PIGB: variants seen among roughly 807,000 people sequenced by gnomAD.
PIGB encodes phosphatidylinositol glycan anchor biosynthesis class B.
PIGB carries 58 observed loss-of-function variants against 68.4 expected under a neutral mutation model. The ratio of observed to expected loss-of-function variants is 0.85; its 90% confidence interval spans 0.69 to 1.06. The LOEUF is 1.06. Among genes scored for constraint, PIGB ranks in the 50% least tolerant of loss-of-function variants. The pLI is 0.00. For synonymous variants in PIGB, 219 were observed against 220.5 expected (o/e 0.99, Z 0.06); for missense variants, 634 against 655.8 (o/e 0.97, Z 0.36).
intron 4 of PIGB, among the ~76,000 whole-genome samples, chr15:55,327,938 T>C (rs999400572): frequency 2.0e-5 from 3 of 152,162 alleles, no homozygotes; most frequent in Admixed American, 6.5e-5. Context: ...TCCATAGAAT[T>C]GAGTAGGGAT....
chr15:55,322,929 G>C (rs2055199594), intron 3 of PIGB, among the ~76,000 whole-genome samples: 1 of 152,084 alleles, frequency 6.6e-6, no homozygotes, highest in Non-Finnish European at 1.5e-5. Context: ...TATATCCCAG[G>C]AAGTAGGTCA....
chr15:55,340,838 GT>G lies in PIGB; in HGVS notation c.1058+17del, dbSNP rs1566955264. ...CTTGTTTATAGGTAAGATTTTATTT[GT>G]TCAAAAGGCTAAAATTTTTTATGTT... On this transcript the variant is annotated intron_variant, in intron 8 of 11. Transcript: ENST00000164305. The G allele has an allele frequency of 6.8e-7, 1 of 1,476,366 alleles. No individual in the cohort carries two copies. Among genetic ancestry groups the G allele is most frequent in the East Asian group, 2.4e-5 (1 of 42,396 alleles). 91.5% of individuals were successfully genotyped at this position (1,476,366 alleles called of 1,614,324 possible).
rs1469912999 is a variant in PIGB, at chr15:55,339,248, T to G, written c.795-19T>G. 2 of 1,540,184 alleles carry G rather than the reference T, an allele frequency of 1.3e-6. No homozygotes were observed. The highest frequency in any genetic ancestry group is 1.8e-6 in the Non-Finnish European group (2 of 1,137,468). On this transcript the variant is annotated intron_variant, in intron 6 of 11. Coordinates refer to ENST00000164305, the MANE Select transcript of PIGB (RefSeq NM_004855.5). ...AGCAAGCTCCAAATGTGAATCACTATGCTATTTTTGTTTTTCAGCTTTGTT... is the reference window on the plus strand; with the variant it reads ...AGCAAGCTCCAAATGTGAATCACTAGGCTATTTTTGTTTTTCAGCTTTGTT...
At chr15:55,332,131 C>T (rs561928870) in intron 5 of PIGB, among the ~76,000 whole-genome samples, 93 of 151,970 alleles carry the variant, frequency 6.1e-4, no homozygotes, top group Non-Finnish European at 1.0e-3. Flanking sequence ...CGCACCACCA[C>T]GCCCAGCTAA....
chr15:55,341,875 T>G lies in PIGB; in HGVS notation c.1123+73T>G, dbSNP rs552159523. On this transcript the variant is annotated intron_variant, in intron 9 of 11. Transcript: ENST00000164305. The stretch of plus-strand genomic sequence containing the variant: ...TAAAGACAACACATCCTCATTAAAC[T>G]ATGTCTATTTTCAACTAGGTTAATA... 97 of 572,174 alleles carry G rather than the reference T, an allele frequency of 1.7e-4. No homozygotes were observed. In the South Asian group the frequency reaches 3.6e-3, roughly 21 times the overall value. 35.4% of individuals were successfully genotyped at this position (572,174 alleles called of 1,614,324 possible).
chr15:55,342,012 C>A (rs957694540), intron 9 of PIGB, among the ~76,000 whole-genome samples: 2 of 152,138 alleles, frequency 1.3e-5, no homozygotes, highest in African/African-American at 4.8e-5. Context: ...AAGATCCTAG[C>A]CCAGTGCAGT....
chr15:55,348,837 A>G (rs1034645996), intron 9 of PIGB, among the ~76,000 whole-genome samples: 2 of 152,338 alleles, frequency 1.3e-5, no homozygotes, highest in African/African-American at 4.8e-5. Context: ...GAGCCTACTA[A>G]AATAGATGTT....
chr15:55,319,640 C>T, intron 1 of PIGB: 1 of 419,802 alleles, frequency 2.4e-6, no homozygotes, highest in African/African-American at 2.0e-5. Context: ...ACAGGCTGTC[C>T]ATTTGTGGTC....
chr15:55,336,868 T>C (rs1371505113), intron 6 of PIGB, among the ~76,000 whole-genome samples: 1 of 152,190 alleles, frequency 6.6e-6, no homozygotes, highest in Non-Finnish European at 1.5e-5. Flanking sequence ...CACATGCCTA[T>C]AATCCCAGCT....
intron 6 of PIGB, among the ~76,000 whole-genome samples, chr15:55,337,638 T>C (rs2055567520): frequency 6.6e-6 from 1 of 152,114 alleles, no homozygotes; most frequent in Admixed American, 6.5e-5. Context: ...GCCAAAAAGG[T>C]TAGGGACCGC....
At chr15:55,330,472 C>A (rs1451276638) in intron 5 of PIGB, among the ~76,000 whole-genome samples, 1 of 152,114 alleles carries the variant, frequency 6.6e-6, no homozygotes, top group South Asian at 2.1e-4. Flanking sequence ...ACAAATACCA[C>A]GCAATGGGAA....
rs775502490 is a variant in PIGB at position 55,350,819 on chromosome 15, T to A, written c.1244T>A (p.Met415Lys). The change falls in exon 10 of 12, where the codon ATG becomes AAG. Residue 415 changes from methionine to lysine, a missense_variant. Transcript: ENST00000164305. ...LVHQRGTLDVMSHIQKVCYNN... is the reference protein window; with the variant it reads ...LVHQRGTLDVKSHIQKVCYNN... Reference sequence around the variant, plus strand: ...CATCAACGAGGTACTCTTGATGTCATGAGTCATATTCAAAAAGTTTGTTAC... The same window carrying A: ...CATCAACGAGGTACTCTTGATGTCAAGAGTCATATTCAAAAAGTTTGTTAC... 2.5e-6 allele frequency: 4 copies of A among 1,607,316 alleles called. No homozygotes were observed. Among genetic ancestry groups the A allele is most frequent in the Non-Finnish European group, 8.5e-7 (1 of 1,173,888 alleles).
intron 10 of PIGB, among the ~76,000 whole-genome samples, chr15:55,352,639 A>AG (rs2141223085): frequency 6.6e-6 from 1 of 152,290 alleles, no homozygotes; most frequent in East Asian, 1.9e-4. Flanking sequence ...TACAAAAAAA[A>AG]TTGGCCAGGT....
At chr15:55,329,668 G>A (rs1170011825) in intron 4 of PIGB, 56 bp from the exon 5 acceptor site, 13 of 1,388,856 alleles carry the variant, frequency 9.4e-6, no homozygotes, top group Non-Finnish European at 1.3e-5. Context: ...AAGATAATAT[G>A]TACTAAGGTT....
chr15:55,334,135 A>G, intron 6 of PIGB, 128 bp downstream of exon 6: 1 of 554,790 alleles, frequency 1.8e-6, no homozygotes, highest in Non-Finnish European at 2.9e-6. Flanking sequence ...GTCCAAGGAA[A>G]TAGAATAATG....
intron 9 of PIGB, among the ~76,000 whole-genome samples, chr15:55,344,290 A>G (rs943806034): frequency 6.6e-6 from 1 of 152,366 alleles, no homozygotes; most frequent in Non-Finnish European, 1.5e-5. Context: ...CTGGGGTTCA[A>G]CTAGCTGTAG....
At chr15:55,352,767 A>C (rs2055953008) in intron 10 of PIGB, among the ~76,000 whole-genome samples, 1 of 152,204 alleles carries the variant, frequency 6.6e-6, no homozygotes, top group African/African-American at 2.4e-5. Flanking sequence ...AAAATAAATA[A>C]ATAAATACAT....
rs567713487 is a variant in PIGB, at chr15:55,333,462, G to T, written c.654-405G>T. 2.0e-5 allele frequency among the ~76,000 whole-genome samples: 3 copies of T among 152,164 alleles called. No individual in the cohort carries two copies. The East Asian group carries it at 5.8e-4, about 29-fold the overall frequency. On this transcript the variant is annotated intron_variant, in intron 5 of 11. Transcript: ENST00000164305. Reference sequence around the variant, plus strand: ...AAATACAAAAAATTAGCCTGGCATGGGGATTAGCCTGTAATCCCAGCACTT... The same window carrying T: ...AAATACAAAAAATTAGCCTGGCATGTGGATTAGCCTGTAATCCCAGCACTT...
At chr15:55,344,804 G>A (rs1198737095) in intron 9 of PIGB, among the ~76,000 whole-genome samples, 1 of 151,336 alleles carries the variant, frequency 6.6e-6, no homozygotes, top group Non-Finnish European at 1.5e-5. Flanking sequence ...CTGATTCTGA[G>A]TTGAGTGTCT....
Sources: allele counts gnomAD v4.1 joint callset (sites outside exome capture counted in the v4.1 genomes callset), GRCh38; gene constraint gnomAD v4.1.1; transcripts MANE v1.5; gene names NCBI Gene and HGNC (gene_info 2026-07-23, HGNC 2026-07-21).